The following GRM3 variants were observed in gnomAD, a reference collection of about 807,000 sequenced individuals.
The protein encoded by GRM3 is glutamate metabotropic receptor 3, also known as metabotropic glutamate receptor 3.
Under a neutral mutation model 70.5 loss-of-function variants are expected in GRM3, and 26 were observed. That is an observed-to-expected ratio of 0.37 (90% confidence interval 0.27 to 0.51). GRM3 has a LOEUF of 0.51. Ranked by LOEUF, GRM3 falls within the 20% of genes least tolerant of loss-of-function variation. GRM3 has a pLI of 0.93. For synonymous variants in GRM3, 443 were observed against 434.9 expected (o/e 1.02, Z -0.23); for missense variants, 859 against 1,123.8 (o/e 0.76, Z 3.37).
At chr7:86,704,142 C>T (rs754069075) in intron 1 of GRM3, among the ~76,000 whole-genome samples, 1 of 151,850 alleles carries the variant, frequency 6.6e-6, no homozygotes, top group Non-Finnish European at 1.5e-5. Flanking sequence ...AATAGTACAA[C>T]CAAATATTTT....
intron 1 of GRM3, among the ~76,000 whole-genome samples, chr7:86,686,518 C>T (rs1218029538): frequency 6.6e-6 from 1 of 152,082 alleles, no homozygotes; most frequent in Non-Finnish European, 1.5e-5. Flanking sequence ...TTGAGTGCCT[C>T]AAAATTACAA....
chr7:86,833,746 TC>T (rs1264302024), intron 3 of GRM3, among the ~76,000 whole-genome samples: 2 of 152,336 alleles, frequency 1.3e-5, no homozygotes, highest in Non-Finnish European at 2.9e-5. Context: ...TTTCATTCTT[TC>T]CCATTCTAGT....
chr7:86,746,374 T>TAA (rs1554353776), intron 1 of GRM3, among the ~76,000 whole-genome samples: 6 of 132,980 alleles, frequency 4.5e-5, no homozygotes, highest in Non-Finnish European at 8.1e-5. Context: ...TATATATATA[T>TAA]AATCACTTCA....
At chr7:86,714,505 G>C (rs1339551520) in intron 1 of GRM3, among the ~76,000 whole-genome samples, 2 of 151,854 alleles carry the variant, frequency 1.3e-5, no homozygotes, top group African/African-American at 4.8e-5. Context: ...AAGTCACCCA[G>C]TTAATAAAAC....
intron 1 of GRM3, among the ~76,000 whole-genome samples, chr7:86,722,215 A>G (rs2116233206): frequency 6.6e-6 from 1 of 152,088 alleles, no homozygotes; most frequent in African/African-American, 2.4e-5. Flanking sequence ...TTTTTTAAAA[A>G]TTGAAATACC....
chr7:86,680,612 C>G (rs1794419558), intron 1 of GRM3, among the ~76,000 whole-genome samples: 1 of 152,032 alleles, frequency 6.6e-6, no homozygotes, highest in South Asian at 2.1e-4. Flanking sequence ...TCCTTAGTAC[C>G]CTATAGCATA....
At chr7:86,796,245 T>A (rs1797547893) in intron 3 of GRM3, among the ~76,000 whole-genome samples, 2 of 152,224 alleles carry the variant, frequency 1.3e-5, no homozygotes, top group South Asian at 4.1e-4. Flanking sequence ...TTGTATAAGG[T>A]ACAAGGAAGG....
At chr7:86,730,601 A>G (rs543687076) in intron 1 of GRM3, among the ~76,000 whole-genome samples, 1 of 152,292 alleles carries the variant, frequency 6.6e-6, no homozygotes, top group East Asian at 1.9e-4. Context: ...TTTCAGAAAC[A>G]TATTCCCAAA....
In GRM3 at chr7:86,737,218, G is replaced by A. The variant is rs539092940; in HGVS notation, c.-140-27788G>A. Among the ~76,000 whole-genome samples, 5 of 152,328 alleles carry A rather than the reference G, an allele frequency of 3.3e-5. No homozygotes were observed. In the East Asian group the frequency reaches 5.8e-4, roughly 18 times the overall value. On this transcript the variant is annotated intron_variant, in intron 1 of 5. Transcript: ENST00000361669. ...CTCACTATGTCTTTTGTTAGTGATA[G>A]CTAATGTTTAATAAGTGCTTTCTAA...
At chr7:86,646,136 T>C (rs1461766423) in intron 1 of GRM3, among the ~76,000 whole-genome samples, 1 of 152,088 alleles carries the variant, frequency 6.6e-6, no homozygotes, top group African/African-American at 2.4e-5. Context: ...TAAAGTAATC[T>C]AGATTGCCAC....
chr7:86,704,983 C>T (rs1795025332), intron 1 of GRM3, among the ~76,000 whole-genome samples: 1 of 151,860 alleles, frequency 6.6e-6, no homozygotes, highest in African/African-American at 2.4e-5. Context: ...GTGTTGAATG[C>T]TGTATTGTTA....
intron 3 of GRM3, among the ~76,000 whole-genome samples, chr7:86,815,766 A>G (rs1027692054): frequency 3.3e-5 from 5 of 151,902 alleles, no homozygotes; most frequent in African/African-American, 1.2e-4. Flanking sequence ...TGGGCAAACC[A>G]GACTTTATCC....
chr7:86,784,477 A>C (rs1288369456), intron 2 of GRM3: 2 of 152,224 alleles, frequency 1.3e-5, no homozygotes, highest in Non-Finnish European at 2.9e-5. Context: ...ATGCATAGAC[A>C]GGGCTCCTAT....
At chr7:86,790,794 A>C (rs1797391377) in intron 3 of GRM3, among the ~76,000 whole-genome samples, 1 of 151,900 alleles carries the variant, frequency 6.6e-6, no homozygotes, top group African/African-American at 2.4e-5. Context: ...ACTTCTTTCA[A>C]ATATTCATGT....
chr7:86,752,046 A>G (rs1297311499), intron 1 of GRM3, among the ~76,000 whole-genome samples: 1 of 152,150 alleles, frequency 6.6e-6, no homozygotes, highest in Non-Finnish European at 1.5e-5. Context: ...AGAAAAATGC[A>G]TGTCATAATT....
At chr7:86,678,018 A>C (rs1794349317) in intron 1 of GRM3, among the ~76,000 whole-genome samples, 1 of 152,012 alleles carries the variant, frequency 6.6e-6, no homozygotes, top group Admixed American at 6.6e-5. Flanking sequence ...AAATAATTAA[A>C]ATTTTGTTCT....
At chr7:86,697,001 G>T (rs184577816) in intron 1 of GRM3, among the ~76,000 whole-genome samples, 1 of 152,152 alleles carries the variant, frequency 6.6e-6, no homozygotes. Context: ...GACGGTAAAA[G>T]ATGTCTATTT....
At chr7:86,848,520 T>C (rs936823901) in intron 4 of GRM3, among the ~76,000 whole-genome samples, 2 of 152,086 alleles carry the variant, frequency 1.3e-5, no homozygotes, top group African/African-American at 4.8e-5. Flanking sequence ...TCTGGCCTTT[T>C]CCCCTGCAGG....
At chr7:86,762,631 A>G (rs1796507590) in intron 1 of GRM3, among the ~76,000 whole-genome samples, 1 of 152,172 alleles carries the variant, frequency 6.6e-6, no homozygotes, top group Non-Finnish European at 1.5e-5. Context: ...AAATAGCAAT[A>G]GCAAACATTT....
Sources: gnomAD v4.1 joint callset for allele counts (sites outside exome capture counted in the v4.1 genomes callset) on GRCh38, gnomAD v4.1.1 for gene constraint, MANE v1.5 for transcripts, NCBI Gene and HGNC (gene_info 2026-07-23, HGNC 2026-07-21) for gene names.